B3GALT1: variants seen among roughly 807,000 people sequenced by gnomAD.
The protein encoded by B3GALT1 is beta-1,3-galactosyltransferase 1.
B3GALT1 carries 10 observed loss-of-function variants against 23.2 expected under a neutral mutation model. That is an observed-to-expected ratio of 0.43 (90% CI 0.27 to 0.73). The LOEUF is 0.73. B3GALT1 is among the 30% of genes least tolerant of loss of function. The probability of loss-of-function intolerance (pLI) is 0.21; values close to 1 mark genes in which losing one functional copy is unlikely to be tolerated. For synonymous variants in B3GALT1, 156 were observed against 141.5 expected, an observed-to-expected ratio of 1.10 and a Z score of -0.73; for missense variants, 299 against 405.4, an observed-to-expected ratio of 0.74 and a Z score of 2.25.
At chr2:167,556,941 A>G (rs1349808634) in intron 2 of B3GALT1, among the ~76,000 whole-genome samples, 1 of 152,218 alleles carries the variant, frequency 6.6e-6, no homozygotes, top group Non-Finnish European at 1.5e-5. Context: ...GAGGAAAGTG[A>G]AAAGACTGGA....
chr2:167,782,282 C>T (rs539914825), intron 3 of B3GALT1, among the ~76,000 whole-genome samples: 1 of 152,058 alleles, frequency 6.6e-6, no homozygotes, highest in Non-Finnish European at 1.5e-5. Context: ...AGAGGAACGG[C>T]GATGCCCCTG....
At chr2:167,501,769 G>A (rs1481057540) in intron 2 of B3GALT1, among the ~76,000 whole-genome samples, 1 of 150,352 alleles carries the variant, frequency 6.7e-6, no homozygotes, top group African/African-American at 2.4e-5. Flanking sequence ...CAACCATGGG[G>A]CTACTCTTGG....
intron 2 of B3GALT1, among the ~76,000 whole-genome samples, chr2:167,579,591 G>A (rs1344194051): frequency 1.3e-5 from 2 of 151,998 alleles, no homozygotes; most frequent in African/African-American, 4.8e-5. Context: ...CTAGGTTAAA[G>A]TCCTCAAAAG....
intron 1 of B3GALT1, among the ~76,000 whole-genome samples, chr2:167,352,554 T>TA (rs763303379): frequency 0.021 from 2,335 of 113,052 alleles, 62 homozygotes; most frequent in African/African-American, 0.062. Context: ...CCGTCTCTAC[T>TA]AAAAAAAAAA....
At chr2:167,576,207 A>G (rs1053121903) in intron 2 of B3GALT1, among the ~76,000 whole-genome samples, 7 of 151,814 alleles carry the variant, frequency 4.6e-5, no homozygotes, top group African/African-American at 1.7e-4. Context: ...TTTCTGTAAA[A>G]TACTTCCCTT....
intron 4 of B3GALT1, among the ~76,000 whole-genome samples, chr2:167,826,587 ACC>A: frequency 6.6e-6 from 1 of 152,120 alleles, no homozygotes; most frequent in Admixed American, 6.5e-5. Flanking sequence ...TCAGGTGATG[ACC>A]AGTATTGAAT....
At chr2:167,635,783 A>G (rs1685541896) in intron 2 of B3GALT1, among the ~76,000 whole-genome samples, 1 of 152,164 alleles carries the variant, frequency 6.6e-6, no homozygotes, top group African/African-American at 2.4e-5. Flanking sequence ...AGTAATTTAT[A>G]AATTCAATGC....
chr2:167,407,537 A>G (rs935592526), intron 1 of B3GALT1, among the ~76,000 whole-genome samples: 3 of 134,642 alleles, frequency 2.2e-5, no homozygotes, highest in Admixed American at 8.1e-5. Context: ...TAGAATATGA[A>G]CAAAAAAAAG....
At chr2:167,534,059 G>T (rs1683375990) in intron 2 of B3GALT1, among the ~76,000 whole-genome samples, 1 of 151,972 alleles carries the variant, frequency 6.6e-6, no homozygotes. Flanking sequence ...ATATTAATGT[G>T]TTTTCTTTGT....
intron 2 of B3GALT1, among the ~76,000 whole-genome samples, chr2:167,589,608 T>C (rs1684640620): frequency 6.6e-6 from 1 of 152,174 alleles, no homozygotes; most frequent in Non-Finnish European, 1.5e-5. Context: ...CACATGCTTC[T>C]GATATAATTG....
intron 1 of B3GALT1, among the ~76,000 whole-genome samples, chr2:167,446,016 C>A (rs568533695): frequency 6.6e-6 from 1 of 152,116 alleles, no homozygotes; most frequent in Non-Finnish European, 1.5e-5. Flanking sequence ...TGTTCCTTTC[C>A]ATGTTTAGTG....
intron 4 of B3GALT1, among the ~76,000 whole-genome samples, chr2:167,854,774 G>A (rs1345956206): frequency 6.6e-6 from 1 of 152,156 alleles, no homozygotes; most frequent in Non-Finnish European, 1.5e-5. Flanking sequence ...GAACAGGAGA[G>A]GAGTTGGCTA....
intron 2 of B3GALT1, among the ~76,000 whole-genome samples, chr2:167,564,007 CT>C (rs1452398782): frequency 6.7e-6 from 1 of 148,512 alleles, no homozygotes; most frequent in Non-Finnish European, 1.5e-5. Context: ...GGGGCCGACC[CT>C]CCCACCTCCC....
chr2:167,369,151 A>G (rs552420556), intron 1 of B3GALT1, among the ~76,000 whole-genome samples: 1 of 149,936 alleles, frequency 6.7e-6, no homozygotes, highest in African/African-American at 2.5e-5. Flanking sequence ...TGGAGAAGGG[A>G]TTAATCTATT....
rs759429140 is a variant in B3GALT1, at chr2:167,869,430, G to A, written c.391G>A (p.Glu131Lys). ...TGATCCTGTTCTCAATCAGATGGTG[G>A]AGCAAGAGAGCCAAATCTTCCATGA... ...NADPVLNQMV[E>K]QESQIFHDII... Residue 131 changes from glutamate to lysine, a missense_variant, in exon 5 of 5, where the codon GAG becomes AAG. Transcript: ENST00000392690. This position sits in a 1 kb window ranked among gnomAD's most constrained non-coding sequence, Gnocchi z 6.4. The A allele has an allele frequency of 8.1e-6, 13 of 1,613,888 alleles. No individual in the cohort carries two copies. The highest frequency in any genetic ancestry group is 2.7e-5 in the African/African-American group (2 of 74,858).
At chr2:167,468,207 G>A (rs1299411996) in intron 1 of B3GALT1, among the ~76,000 whole-genome samples, 1 of 152,112 alleles carries the variant, frequency 6.6e-6, no homozygotes, top group African/African-American at 2.4e-5. Flanking sequence ...TCAGGTCTAT[G>A]ATAAACAATT....
intron 1 of B3GALT1, among the ~76,000 whole-genome samples, chr2:167,441,945 C>T (rs537070323): frequency 2.5e-4 from 38 of 151,376 alleles, no homozygotes; most frequent in Non-Finnish European, 3.2e-4. Flanking sequence ...TAGTTACATA[C>T]GTATACATGT....
chr2:167,761,089 A>G (rs550066733), intron 3 of B3GALT1, among the ~76,000 whole-genome samples: 2 of 152,298 alleles, frequency 1.3e-5, no homozygotes, highest in Admixed American at 6.5e-5. Context: ...AGGGTTCTAG[A>G]TCATTTTTCC....
At chr2:167,430,788 T>C (rs1245350067) in intron 1 of B3GALT1, among the ~76,000 whole-genome samples, 2 of 152,142 alleles carry the variant, frequency 1.3e-5, no homozygotes, top group African/African-American at 2.4e-5. Context: ...TCATCATTAT[T>C]ATCAGTAGTA....
Sources: allele counts gnomAD v4.1 joint callset (sites outside exome capture counted in the v4.1 genomes callset), GRCh38; gene constraint gnomAD v4.1.1; non-coding constraint Gnocchi (gnomAD v3.1); transcripts MANE v1.5; gene names NCBI Gene and HGNC (gene_info 2026-07-23, HGNC 2026-07-21).